Variants in ENTREP2 observed in about 807,000 individuals in gnomAD.
ENTREP2 encodes endosomal transmembrane epsin interactor 2.
the ENTREP2 span, among the ~76,000 whole-genome samples, chr15:29,620,592 C>G: frequency 6.6e-6 from 1 of 151,942 alleles, no homozygotes; most frequent in African/African-American, 2.4e-5. Flanking sequence ...GAAGTATGAT[C>G]ACACCACTGC....
At chr15:29,134,819 G>A in the ENTREP2 span, among the ~76,000 whole-genome samples, 3 of 152,172 alleles carry the variant, frequency 2.0e-5, no homozygotes, top group Non-Finnish European at 2.9e-5. Flanking sequence ...GCGTGCATGT[G>A]GGCTCTCGGG....
chr15:29,308,449 G>T, the ENTREP2 span, among the ~76,000 whole-genome samples: 2 of 152,190 alleles, frequency 1.3e-5, no homozygotes, highest in African/African-American at 4.8e-5. Flanking sequence ...ACAGGACCAG[G>T]CAAAGCAGAG....
the ENTREP2 span, among the ~76,000 whole-genome samples, chr15:29,158,980 T>C: frequency 6.6e-6 from 1 of 152,178 alleles, no homozygotes. Context: ...GCGACAGCAA[T>C]GACAATGTAC....
the ENTREP2 span, among the ~76,000 whole-genome samples, chr15:29,639,380 G>A: frequency 6.6e-6 from 1 of 152,018 alleles, no homozygotes; most frequent in Admixed American, 6.6e-5. Flanking sequence ...AAGTTCTGCC[G>A]AAAGTTTGTG....
the ENTREP2 span, among the ~76,000 whole-genome samples, chr15:29,160,931 C>T: frequency 6.6e-6 from 1 of 152,014 alleles, no homozygotes; most frequent in African/African-American, 2.4e-5. Context: ...GCATAAAACA[C>T]AAGCGGAAGA....
the ENTREP2 span, among the ~76,000 whole-genome samples, chr15:29,441,267 T>C: frequency 6.6e-6 from 1 of 152,138 alleles, no homozygotes; most frequent in South Asian, 2.1e-4. Flanking sequence ...GTCAAATTCT[T>C]AGAGACAGGA....
At chr15:29,139,263 A>G in the ENTREP2 span, among the ~76,000 whole-genome samples, 2 of 152,190 alleles carry the variant, frequency 1.3e-5, no homozygotes, top group African/African-American at 4.8e-5. Context: ...GGGCCTCCTA[A>G]CACACGGAGC....
the ENTREP2 span, among the ~76,000 whole-genome samples, chr15:29,245,596 TAAGG>T: frequency 2.0e-5 from 3 of 150,950 alleles, no homozygotes; most frequent in South Asian, 6.2e-4. Context: ...TTCCTTAACA[TAAGG>T]AAGTATATAT....
At chr15:29,417,541 C>T in the ENTREP2 span, among the ~76,000 whole-genome samples, 1 of 152,028 alleles carries the variant, frequency 6.6e-6, no homozygotes, top group Non-Finnish European at 1.5e-5. Context: ...ATATCTAATG[C>T]TGAATGACGA....
chr15:29,440,015 C>G, the ENTREP2 span, among the ~76,000 whole-genome samples: 19 of 152,136 alleles, frequency 1.2e-4, no homozygotes, highest in African/African-American at 4.3e-4. Context: ...AAGCATCAGA[C>G]AAACCCAAAT....
the ENTREP2 span, among the ~76,000 whole-genome samples, chr15:29,397,889 C>G: frequency 6.6e-6 from 1 of 152,076 alleles, no homozygotes; most frequent in African/African-American, 2.4e-5. Context: ...AAATAAGGAA[C>G]AGACCAGTGG....
the ENTREP2 span, among the ~76,000 whole-genome samples, chr15:29,130,848 T>C: frequency 6.6e-6 from 1 of 152,094 alleles, no homozygotes; most frequent in African/African-American, 2.4e-5. Context: ...ATAACAGCAG[T>C]AGAAAAGGGT....
At chr15:29,572,483 T>C in the ENTREP2 span, among the ~76,000 whole-genome samples, 1 of 152,022 alleles carries the variant, frequency 6.6e-6, no homozygotes, top group Non-Finnish European at 1.5e-5. Context: ...CATTCATTCA[T>C]TCATTCATCC....
the ENTREP2 span, among the ~76,000 whole-genome samples, chr15:29,437,447 C>T: frequency 6.6e-6 from 1 of 152,158 alleles, no homozygotes; most frequent in Non-Finnish European, 1.5e-5. Flanking sequence ...TATTAATTGG[C>T]CTGTTTTAAA....
At chr15:29,501,964 A>G in the ENTREP2 span, among the ~76,000 whole-genome samples, 1 of 152,028 alleles carries the variant, frequency 6.6e-6, no homozygotes, top group Non-Finnish European at 1.5e-5. Flanking sequence ...AAATCTAACT[A>G]AAGAAGTGCA....
the ENTREP2 span, among the ~76,000 whole-genome samples, chr15:29,644,636 C>G: frequency 6.6e-6 from 1 of 151,828 alleles, no homozygotes; most frequent in Non-Finnish European, 1.5e-5. Flanking sequence ...AACCCCGTCT[C>G]TACTAACATA....
chr15:29,469,960 C>T, the ENTREP2 span, among the ~76,000 whole-genome samples: 1 of 152,154 alleles, frequency 6.6e-6, no homozygotes, highest in Non-Finnish European at 1.5e-5. Context: ...TTTCCACATT[C>T]AGTGCCCCTG....
At chr15:29,541,808 G>A in the ENTREP2 span, among the ~76,000 whole-genome samples, 11 of 152,304 alleles carry the variant, frequency 7.2e-5, no homozygotes, top group East Asian at 5.8e-4. Flanking sequence ...CCAGGACAGC[G>A]AGGTCGTGGG....
the ENTREP2 span, among the ~76,000 whole-genome samples, chr15:29,131,286 G>T: frequency 1.3e-5 from 2 of 151,936 alleles, no homozygotes; most frequent in Admixed American, 6.6e-5. Context: ...TATGTGGATC[G>T]TAAGTGTCAG....
Sources: gnomAD v4.1 joint callset for allele counts (sites outside exome capture counted in the v4.1 genomes callset) on GRCh38, gnomAD v4.1.1 for gene constraint, MANE v1.5 for transcripts, NCBI Gene and HGNC (gene_info 2026-07-23, HGNC 2026-07-21) for gene names.